PLCH1: variants seen among roughly 807,000 people sequenced by gnomAD.
PLCH1 encodes the protein phospholipase C eta 1.
PLCH1 carries 60 observed loss-of-function variants against 126.7 expected under a neutral mutation model. The ratio of observed to expected loss-of-function variants is 0.47; its 90% CI spans 0.38 to 0.59. The LOEUF is 0.59. Ranked by LOEUF, PLCH1 falls within the 20% of genes least tolerant of loss-of-function variation. PLCH1 has a pLI of 0.00. For synonymous variants in PLCH1, 719 were observed against 734.9 expected, an observed-to-expected ratio of 0.98 and a Z score of 0.35; for missense variants, 1,723 against 2,040.0, an observed-to-expected ratio of 0.84 and a Z score of 2.99.
In PLCH1 at chr3:155,473,658, C is replaced by T. The variant is rs1470825777; in HGVS notation, c.2938+11698G>A. Reference sequence around the variant, plus strand: ...AAAGAACAAAGCTGGAGGCATCACACTCCCTGACTTCAAACTATACTACAA... The same window carrying T: ...AAAGAACAAAGCTGGAGGCATCACATTCCCTGACTTCAAACTATACTACAA... On this transcript the variant is annotated intron_variant, in intron 21 of 21. Coordinates refer to the PLCH1 transcript ENST00000494598. Among the ~76,000 whole-genome samples the T allele has an allele frequency of 1.8e-4, 27 of 152,084 alleles. No homozygotes were observed. In the East Asian group the frequency reaches 3.1e-3, roughly 17 times the overall value.
chr3:155,638,302 T>C (rs1005055824), intron 2 of PLCH1, among the ~76,000 whole-genome samples: 1 of 152,202 alleles, frequency 6.6e-6, no homozygotes, highest in Non-Finnish European at 1.5e-5. Context: ...ATAAATACTC[T>C]AGTGATATAA....
intron 20 of PLCH1, 29 bp downstream of exon 20, chr3:155,488,631 C>T (rs756620836): frequency 1.3e-6 from 2 of 1,586,154 alleles, no homozygotes; most frequent in East Asian, 2.2e-5. Context: ...AATGGTCAGT[C>T]TAGAGAGAAA....
In PLCH1 at chr3:155,461,433, C is replaced by T. The variant is rs149064937; in HGVS notation, c.2938+23923G>A. ...ATCATGAGCATGGTCTTAATAGAAA[C>T]GCCCAGAAAAAGGTTGAGAAGCACA... On this transcript the variant is annotated intron_variant, in intron 21 of 21. Transcript: ENST00000494598. Among the ~76,000 whole-genome samples, 89 of 152,234 alleles carry T rather than the reference C, an allele frequency of 5.8e-4. 1 individual carries two copies. In the East Asian group the frequency reaches 7.3e-3, roughly 13 times the overall value.
chr3:155,513,581 C>A (rs1576876300), intron 12 of PLCH1, among the ~76,000 whole-genome samples: 1 of 152,098 alleles, frequency 6.6e-6, no homozygotes, highest in East Asian at 1.9e-4. Flanking sequence ...CTTACAGGCA[C>A]TTGTGGTGTT....
intron 21 of PLCH1, among the ~76,000 whole-genome samples, chr3:155,465,273 T>C (rs1434367963): frequency 6.6e-6 from 1 of 152,006 alleles, no homozygotes; most frequent in African/African-American, 2.4e-5. Context: ...GGGAGGACTG[T>C]CTTACATCTA....
chr3:155,465,864 G>C (rs1712910191), intron 21 of PLCH1, among the ~76,000 whole-genome samples: 1 of 152,150 alleles, frequency 6.6e-6, no homozygotes, highest in Non-Finnish European at 1.5e-5. Flanking sequence ...CATGGCCTGG[G>C]GTGGCAGTGG....
chr3:155,534,773 T>G (rs566829677), intron 10 of PLCH1, among the ~76,000 whole-genome samples: 1 of 152,286 alleles, frequency 6.6e-6, no homozygotes, highest in South Asian at 2.1e-4. Flanking sequence ...GTTCTCATGA[T>G]AGTGAGTTCT....
intron 2 of PLCH1, among the ~76,000 whole-genome samples, chr3:155,607,294 G>A (rs753974568): frequency 1.7e-4 from 26 of 151,978 alleles, no homozygotes; most frequent in Non-Finnish European, 2.5e-4. Flanking sequence ...ATTTATATGC[G>A]TTGCCTGTAT....
rs138605852 is a variant in PLCH1, at chr3:155,642,571, G to C, written c.80-46193C>G. ...CAGATTGCGCTCTCCAATGTGTATG[G>C]GCATCATCCAATCTGTGGAGGGCCC... On this transcript the variant is annotated intron_variant, in intron 2 of 22. Transcript: ENST00000460012. Among the ~76,000 whole-genome samples the C allele has an allele frequency of 5.3e-3, 813 of 152,258 alleles. 5 individuals carry two copies. The highest frequency in any genetic ancestry group is 0.027 in the Middle Eastern group (8 of 294).
chr3:155,518,340 A>G (rs1720629644), intron 11 of PLCH1, among the ~76,000 whole-genome samples: 1 of 152,124 alleles, frequency 6.6e-6, no homozygotes, highest in Admixed American at 6.5e-5. Context: ...GGGCTAGCCA[A>G]TTTTTTCTCA....
intron 21 of PLCH1, among the ~76,000 whole-genome samples, chr3:155,459,911 G>A (rs1343300479): frequency 3.3e-5 from 5 of 152,176 alleles, no homozygotes; most frequent in Admixed American, 2.0e-4. Context: ...TCAAAGTGTG[G>A]ACCTGAGATC....
intron 18 of PLCH1, among the ~76,000 whole-genome samples, chr3:155,492,234 C>T (rs1716316490): frequency 6.6e-6 from 1 of 152,104 alleles, no homozygotes; most frequent in Non-Finnish European, 1.5e-5. Context: ...GGGCTAAGAG[C>T]TCTGGAAAGA....
Position 155,570,080 on chromosome 3 carries a change from T to C in PLCH1, c.772-1756A>G, listed in dbSNP as rs143580217. ...AAAAATAATCTACTTTCTACCAAAA[T>C]TGAGGTATTAAGGATTGACTCTTTG... On this transcript the variant is annotated intron_variant, in intron 6 of 22. Coordinates refer to ENST00000460012, the MANE Select transcript of PLCH1 (RefSeq NM_014996.4). 3.1e-3 allele frequency among the ~76,000 whole-genome samples: 476 copies of C among 152,206 alleles called. 1 individual carries two copies. The highest frequency in any genetic ancestry group is 0.011 in the African/African-American group (446 of 41,546).
intron 1 of PLCH1, among the ~76,000 whole-genome samples, chr3:155,707,578 A>T (rs1219067242): frequency 6.6e-6 from 1 of 151,446 alleles, no homozygotes; most frequent in Non-Finnish European, 1.5e-5. Flanking sequence ...AATCCCAGCT[A>T]CTCGGGAGGC....
rs145002764 is a variant in PLCH1 at position 155,586,121 on chromosome 3, G to A, written c.544C>T (p.Leu182=). The change falls in exon 5 of 23, where the codon CTG becomes TTG. Residue 182 remains leucine (L), a synonymous_variant. Transcript: ENST00000460012. The stretch of plus-strand genomic sequence containing the variant: ...AGATTAACATTCAGTTTATGCATCA[G>A]CTGATGTATCTCTTCAATATTCAGC... ...GLLNIEEIHQ[L]MHKLNVNLPR... The A allele has an allele frequency of 2.8e-5, 45 of 1,613,384 alleles. No homozygotes were observed. Among genetic ancestry groups the A allele is most frequent in the Non-Finnish European group, 3.6e-5 (42 of 1,179,420 alleles).
intron 2 of PLCH1, among the ~76,000 whole-genome samples, chr3:155,688,350 C>T (rs560735449): frequency 6.6e-6 from 1 of 152,300 alleles, no homozygotes; most frequent in East Asian, 1.9e-4. Context: ...ACAGAAAATC[C>T]ACTTAGCATT....
intron 11 of PLCH1, 90 bp downstream of exon 11, chr3:155,523,807 A>C: frequency 1.4e-6 from 1 of 709,922 alleles, no homozygotes; most frequent in African/African-American, 1.8e-5. Flanking sequence ...AGCCACCATA[A>C]TTGTGAGGCC....
intron 2 of PLCH1, among the ~76,000 whole-genome samples, chr3:155,611,308 T>C (rs1288236837): frequency 6.6e-6 from 1 of 152,012 alleles, no homozygotes; most frequent in African/African-American, 2.4e-5. Context: ...GAGAATTGCT[T>C]GAACCTGGGA....
chr3:155,550,728 CT>C (rs1249820542), intron 9 of PLCH1, among the ~76,000 whole-genome samples: 1 of 152,152 alleles, frequency 6.6e-6, no homozygotes, highest in East Asian at 1.9e-4. Context: ...GGTTCATTGA[CT>C]TTTTTCTAGT....
Sources: allele counts gnomAD v4.1 joint callset (sites outside exome capture counted in the v4.1 genomes callset), GRCh38; gene constraint gnomAD v4.1.1; transcripts MANE v1.5; gene names NCBI Gene and HGNC (gene_info 2026-07-23, HGNC 2026-07-21).